EYS: variants seen among roughly 807,000 people sequenced by gnomAD.
EYS encodes the protein protein eyes shut homolog.
A neutral mutation model predicts 282.1 loss-of-function variants in EYS; 250 were observed. The ratio of observed to expected loss-of-function variants is 0.89; its 90% CI spans 0.80 to 0.98. EYS has a LOEUF of 0.98. Ranked by LOEUF, EYS falls within the 50% of genes least tolerant of loss-of-function variation. The pLI is 0.00. For synonymous variants in EYS, 1,355 were observed against 1,282.9 expected, an observed-to-expected ratio of 1.06 and a Z score of -1.20; for missense variants, 4,016 against 3,709.0, an observed-to-expected ratio of 1.08 and a Z score of -2.15.
At position 64,719,318 on chromosome 6, in the gene EYS, G is replaced by A. The variant is rs140688711; in HGVS notation, c.3444-93073C>T. 1.1e-3 allele frequency among the ~76,000 whole-genome samples: 162 copies of A among 152,222 alleles called. 1 individual carries two copies. In the East Asian group the frequency reaches 0.027, roughly 26 times the overall value. ...TCTGACCTACGGAGTTCTGGGATAT[G>A]TTTTAAACTGTGAACTTTTGGGTAA... On this transcript the variant is annotated intron_variant, in intron 22 of 42. Transcript: ENST00000503581.
chr6:65,018,378 T>G (rs1036941488), intron 13 of EYS, among the ~76,000 whole-genome samples: 1 of 152,192 alleles, frequency 6.6e-6, no homozygotes, highest in South Asian at 2.1e-4. Flanking sequence ...TGTAGATGCA[T>G]CACCCTGATC....
intron 12 of EYS, among the ~76,000 whole-genome samples, chr6:65,211,897 G>A (rs1429689140): frequency 6.6e-6 from 1 of 151,842 alleles, no homozygotes; most frequent in Non-Finnish European, 1.5e-5. Context: ...ACCCAAAGTA[G>A]GTTAAAATTT....
chr6:65,322,441 G>A (rs1769500033), intron 11 of EYS, among the ~76,000 whole-genome samples: 1 of 152,130 alleles, frequency 6.6e-6, no homozygotes, highest in South Asian at 2.1e-4. Flanking sequence ...AGACCTCAGA[G>A]GCTCAGCCAC....
At chr6:63,768,252 G>T (rs1769845388) in intron 40 of EYS, among the ~76,000 whole-genome samples, 1 of 151,936 alleles carries the variant, frequency 6.6e-6, no homozygotes, top group African/African-American at 2.4e-5. Flanking sequence ...AAGAGCTTCT[G>T]CACAGCAAAA....
At chr6:65,602,918 T>G (rs1414069464) in intron 2 of EYS, among the ~76,000 whole-genome samples, 1 of 151,948 alleles carries the variant, frequency 6.6e-6, no homozygotes, top group African/African-American at 2.4e-5. Context: ...TAGCCTTTGC[T>G]CCACTCAAAT....
rs540536582 is a variant in EYS, at chr6:64,796,667, C to T, written c.3443+16711G>A. On this transcript the variant is annotated intron_variant, in intron 22 of 42. Transcript: ENST00000503581. Reference sequence around the variant, plus strand: ...CTATATTCTGAGGTATCCAAACTTCCATATTTGGTCAAGTACTGTACGTTG... The same window carrying T: ...CTATATTCTGAGGTATCCAAACTTCTATATTTGGTCAAGTACTGTACGTTG... 5.1e-4 allele frequency among the ~76,000 whole-genome samples: 77 copies of T among 152,218 alleles called. 1 individual carries two copies. Among genetic ancestry groups the T allele is most frequent in the African/African-American group, 1.6e-3 (68 of 41,542 alleles).
intron 22 of EYS, among the ~76,000 whole-genome samples, chr6:64,738,902 T>C (rs902111760): frequency 7.2e-5 from 11 of 152,162 alleles, no homozygotes; most frequent in African/African-American, 1.2e-4. Flanking sequence ...GGATTACAGA[T>C]GCCTGCCACC....
At chr6:65,474,317 A>G (rs1428272867) in intron 5 of EYS, among the ~76,000 whole-genome samples, 1 of 152,120 alleles carries the variant, frequency 6.6e-6, no homozygotes, top group Non-Finnish European at 1.5e-5. Context: ...AAACTGCAGA[A>G]AGAGAAAAAA....
chr6:64,543,969 TACAG>T (rs1303021805), intron 26 of EYS, among the ~76,000 whole-genome samples: 1 of 152,214 alleles, frequency 6.6e-6, no homozygotes, highest in Non-Finnish European at 1.5e-5. Context: ...CATAATCACA[TACAG>T]AGTTTCAGAT....
intron 1 of EYS, among the ~76,000 whole-genome samples, chr6:65,679,210 C>T (rs1013330909): frequency 6.7e-6 from 1 of 148,680 alleles, no homozygotes; most frequent in Admixed American, 6.7e-5. Context: ...CACTTTCATG[C>T]TCACTGCACC....
intron 22 of EYS, among the ~76,000 whole-genome samples, chr6:64,724,037 C>G (rs576963411): frequency 6.6e-6 from 1 of 152,106 alleles, no homozygotes; most frequent in African/African-American, 2.4e-5. Flanking sequence ...GTTTGAGACT[C>G]TTAATGTCTC....
At chr6:65,468,412 C>T (rs1316614335) in intron 5 of EYS, among the ~76,000 whole-genome samples, 1 of 152,054 alleles carries the variant, frequency 6.6e-6, no homozygotes, top group Non-Finnish European at 1.5e-5. Flanking sequence ...TAATACTATG[C>T]ACAGTGAGGG....
At chr6:65,581,384 G>T (rs1299426841) in intron 2 of EYS, among the ~76,000 whole-genome samples, 1 of 151,746 alleles carries the variant, frequency 6.6e-6, no homozygotes, top group Admixed American at 6.6e-5. Context: ...TGCTATATTT[G>T]CTCTATTTCT....
At chr6:64,866,057 A>G (rs1766416790) in intron 19 of EYS, among the ~76,000 whole-genome samples, 1 of 152,012 alleles carries the variant, frequency 6.6e-6, no homozygotes, top group Admixed American at 6.6e-5. Context: ...ATTACCAGAA[A>G]CTACTTCTTG....
At position 64,024,775 on chromosome 6, in the gene EYS, C is replaced by T. The variant is rs574259434; in HGVS notation, c.6726-25592G>A. ...GCAAAGGTCCGCAGCTTCACTCCTGCGCCAGCGAGATCACGAACCCACCAG... is the reference window on the plus strand; with the variant it reads ...GCAAAGGTCCGCAGCTTCACTCCTGTGCCAGCGAGATCACGAACCCACCAG... On this transcript the variant is annotated intron_variant, in intron 33 of 42. Coordinates refer to ENST00000503581, the MANE Select transcript of EYS (RefSeq NM_001142800.2). 1.2e-4 allele frequency among the ~76,000 whole-genome samples: 18 copies of T among 152,126 alleles called. No homozygotes were observed. In the Middle Eastern group the frequency reaches 0.01, roughly 86 times the overall value.
In EYS at chr6:65,223,112, C is replaced by T. The variant is rs139128635; in HGVS notation, c.2023+72751G>A. ...AATCAACTGTTTTAAAGCTCTGGACCTCTAATCAAAACCTCACAATAAATA... is the reference window on the plus strand; with the variant it reads ...AATCAACTGTTTTAAAGCTCTGGACTTCTAATCAAAACCTCACAATAAATA... On this transcript the variant is annotated intron_variant, in intron 12 of 42. Transcript: ENST00000503581. Among the ~76,000 whole-genome samples the T allele has an allele frequency of 4.3e-3, 658 of 152,152 alleles. 3 individuals are homozygous for T. The highest frequency in any genetic ancestry group is 0.015 in the African/African-American group (604 of 41,504).
intron 12 of EYS, among the ~76,000 whole-genome samples, chr6:65,192,023 G>A (rs1160456951): frequency 6.6e-6 from 1 of 150,676 alleles, no homozygotes; most frequent in Non-Finnish European, 1.5e-5. Context: ...CCATTCAGCT[G>A]TTTAAATTGA....
At chr6:63,898,582 T>C (rs1162744597) in intron 35 of EYS, among the ~76,000 whole-genome samples, 2 of 152,076 alleles carry the variant, frequency 1.3e-5, no homozygotes, top group Non-Finnish European at 2.9e-5. Context: ...TTTAAAGATA[T>C]AATTTTTAAA....
chr6:64,821,761 A>C (rs1479500269), intron 20 of EYS, 38 bp from the exon 21 acceptor site: 1 of 1,191,982 alleles, frequency 8.4e-7, no homozygotes, highest in East Asian at 2.6e-5. Flanking sequence ...TCAAATAAGT[A>C]GATGTTAAAG....
Sources: allele counts gnomAD v4.1 joint callset (sites outside exome capture counted in the v4.1 genomes callset), GRCh38; gene constraint gnomAD v4.1.1; transcripts MANE v1.5; gene names NCBI Gene and HGNC (gene_info 2026-07-23, HGNC 2026-07-21).